MAT2B: variants seen among roughly 807,000 people sequenced by gnomAD.
MAT2B encodes the protein methionine adenosyltransferase 2 subunit beta.
In MAT2B, 16 loss-of-function variants were observed where a neutral mutation model predicts 36.1. That is an observed-to-expected ratio of 0.44 (90% CI 0.30 to 0.67). The LOEUF (loss-of-function observed/expected upper bound fraction) is 0.67. Among genes scored for constraint, MAT2B ranks in the 30% least tolerant of loss-of-function variants. The probability of loss-of-function intolerance (pLI) is 0.09; values close to 1 mark genes in which losing one functional copy is unlikely to be tolerated. For synonymous variants in MAT2B, 148 were observed against 136.9 expected, an observed-to-expected ratio of 1.08 and a Z score of -0.57; for missense variants, 332 against 398.2, an observed-to-expected ratio of 0.83 and a Z score of 1.42.
chr5:163,506,261 C>T (rs1759935501), intron 1 of MAT2B, among the ~76,000 whole-genome samples: 1 of 152,110 alleles, frequency 6.6e-6, no homozygotes, highest in South Asian at 2.1e-4. Context: ...CTTGTTATTG[C>T]CTCATTTTGT....
intron 1 of MAT2B, among the ~76,000 whole-genome samples, chr5:163,506,607 T>G (rs941321494): frequency 3.3e-5 from 5 of 152,172 alleles, no homozygotes; most frequent in African/African-American, 1.2e-4. Flanking sequence ...ATTGCAAAGT[T>G]TTCATGCTTC....
intron 4 of MAT2B, among the ~76,000 whole-genome samples, chr5:163,515,208 A>G (rs1012449980): frequency 6.6e-6 from 1 of 152,222 alleles, no homozygotes; most frequent in African/African-American, 2.4e-5. Flanking sequence ...CCATAGCAGT[A>G]TCTAAGTTCT....
At position 163,512,055 on chromosome 5, in the gene MAT2B, T is replaced by C. The variant is rs776590164; in HGVS notation, c.117T>C (p.Leu39=). 1 of 1,614,218 alleles carries C rather than the reference T, an allele frequency of 6.2e-7. No individual in the cohort carries two copies. Among genetic ancestry groups the C allele is most frequent in the Non-Finnish European group, 8.5e-7 (1 of 1,180,028 alleles). The change falls in exon 2 of 7, where the codon CTT becomes CTC. Residue 39 remains leucine (L), a synonymous_variant. Transcript: ENST00000321757. The part of the protein sequence containing the change: ...RRVLVTGATG[L]LGRAVHKEFQ... ...TTCTGGTTACTGGTGCCACTGGGCT[T>C]CTTGGCAGAGCTGTACACAAAGAAT...
At chr5:163,507,211 C>A (rs969290626) in intron 1 of MAT2B, among the ~76,000 whole-genome samples, 27 of 152,174 alleles carry the variant, frequency 1.8e-4, no homozygotes, top group Non-Finnish European at 8.8e-5. Context: ...AATAGTATTC[C>A]ATTCTTTACT....
upstream of MAT2B, chr5:163,503,376 C>T (rs757037573): frequency 6.2e-7 from 1 of 1,613,644 alleles, no homozygotes; most frequent in Admixed American, 1.7e-5. Flanking sequence ...ATCTGCTCTC[C>T]TGAAATAATT....
rs909286047 is a variant in MAT2B at position 163,506,357 on chromosome 5, G to C, written c.63+608G>C. ...GCCTGGAATTCAGATACAGGTTTGT[G>C]TGACTGTCTTGGGCTTTGAACCACT... is the stretch of plus-strand genomic sequence containing the variant. On this transcript the variant is annotated intron_variant, in intron 1 of 6. Coordinates refer to ENST00000321757, the MANE Select transcript of MAT2B (RefSeq NM_013283.5). Among the ~76,000 whole-genome samples the C allele has an allele frequency of 5.9e-5, 9 of 152,284 alleles. No individual in the cohort carries two copies. The East Asian group carries it at 1.4e-3, about 23-fold the overall frequency.
chr5:163,503,510 ATTG>A (rs1759880952), upstream of MAT2B: 1 of 1,231,406 alleles, frequency 8.1e-7, no homozygotes, highest in Non-Finnish European at 1.2e-6. Flanking sequence ...TAAAACCAGA[ATTG>A]TTGTGTAAAG....
At chr5:163,503,434 A>G, upstream of MAT2B, 3 of 1,613,320 alleles carry the variant, frequency 1.9e-6, no homozygotes, top group Non-Finnish European at 2.5e-6. Context: ...GGTAAGAACT[A>G]GCAATTCAAG....
At chr5:163,507,017 G>T (rs1298300077) in intron 1 of MAT2B, among the ~76,000 whole-genome samples, 2 of 152,136 alleles carry the variant, frequency 1.3e-5, no homozygotes, top group Non-Finnish European at 2.9e-5. Context: ...CAGTAGCGTC[G>T]CAGTAGAAGT....
chr5:163,512,244 G>A, intron 2 of MAT2B, 48 bp downstream of exon 2: 1 of 1,453,946 alleles, frequency 6.9e-7, no homozygotes, highest in South Asian at 1.1e-5. Flanking sequence ...ATTAAGAGTT[G>A]TCTGGATGAT....
chr5:163,506,251 CTTG>C (rs934086961), intron 1 of MAT2B, among the ~76,000 whole-genome samples: 15 of 152,266 alleles, frequency 9.9e-5, no homozygotes, highest in African/African-American at 3.6e-4. Context: ...CTGTGAGATA[CTTG>C]TTATTGCCTC....
intron 1 of MAT2B, among the ~76,000 whole-genome samples, chr5:163,508,205 T>A (rs1460025164): frequency 6.6e-6 from 1 of 152,210 alleles, no homozygotes; most frequent in Non-Finnish European, 1.5e-5. Flanking sequence ...CTTGTTACTC[T>A]CTTTGGAAAT....
At chr5:163,513,428 A>G (rs1316921363) in intron 2 of MAT2B, 127 bp from the exon 3 acceptor site, 2 of 581,954 alleles carry the variant, frequency 3.4e-6, no homozygotes, top group Non-Finnish European at 6.2e-6. Flanking sequence ...TAGAAATTAC[A>G]ATGATTTATT....
intron 2 of MAT2B, 125 bp from the exon 3 acceptor site, chr5:163,513,430 T>A: frequency 1.7e-6 from 1 of 581,622 alleles, no homozygotes; most frequent in Admixed American, 3.1e-5. Context: ...GAAATTACAA[T>A]GATTTATTCT....
At chr5:163,516,887 A>G in intron 5 of MAT2B, 176 bp downstream of exon 5, 4 of 618,952 alleles carry the variant, frequency 6.5e-6, no homozygotes. Flanking sequence ...GAATAAAAAT[A>G]TTATGCTCTT....
intron 2 of MAT2B, 61 bp downstream of exon 2, chr5:163,512,257 A>G: frequency 2.9e-6 from 4 of 1,363,236 alleles, no homozygotes; most frequent in Non-Finnish European, 4.2e-6. Context: ...TGGATGATAC[A>G]GAAACTATCC....
At chr5:163,509,014 G>A (rs1759993546) in intron 1 of MAT2B, among the ~76,000 whole-genome samples, 1 of 151,970 alleles carries the variant, frequency 6.6e-6, no homozygotes, top group Non-Finnish European at 1.5e-5. Context: ...TTACGTTAAG[G>A]TATTATATTC....
Position 163,516,596 on chromosome 5 carries a change from A to G in MAT2B, c.605A>G (p.Asp202Gly), listed in dbSNP as rs750230932. ...LEESAVTVMF[D>G]KVQFSNKSAN... ...GAAAGTGCTGTGACTGTTATGTTTGATAAAGTGCAGTTCAGCAACAAGTCA... is the reference window on the plus strand; with the variant it reads ...GAAAGTGCTGTGACTGTTATGTTTGGTAAAGTGCAGTTCAGCAACAAGTCA... Residue 202 changes from aspartate (D) to glycine (G), a missense_variant, in exon 5 of 7, where the codon GAT becomes GGT. Transcript: ENST00000321757. 1 of 1,614,194 alleles carries G rather than the reference A, an allele frequency of 6.2e-7. No individual in the cohort carries two copies. Among genetic ancestry groups the G allele is most frequent in the Admixed American group, 1.7e-5 (1 of 60,032 alleles).
intron 5 of MAT2B, chr5:163,517,105 T>A: frequency 3.7e-6 from 1 of 273,672 alleles, no homozygotes; most frequent in South Asian, 9.9e-5. Flanking sequence ...ACTGATTTAG[T>A]TTAGAATATT....
Sources: allele counts gnomAD v4.1 joint callset (sites outside exome capture counted in the v4.1 genomes callset), GRCh38; gene constraint gnomAD v4.1.1; transcripts MANE v1.5; gene names NCBI Gene and HGNC (gene_info 2026-07-23, HGNC 2026-07-21).